Variants in ZNF277 observed in about 807,000 individuals in gnomAD.
ZNF277 encodes the protein nuclear receptor-interacting factor 4.
A neutral mutation model predicts 60.7 loss-of-function variants in ZNF277; 55 were observed. That is an observed-to-expected ratio of 0.91 (90% CI 0.73 to 1.13). The LOEUF (loss-of-function observed/expected upper bound fraction) is 1.13. Ranked by LOEUF, ZNF277 falls within the 50% of genes most tolerant of loss-of-function variation. ZNF277 has a pLI of 0.00. For missense variants in ZNF277, 510 were observed against 523.0 expected (o/e 0.98, Z 0.24); for synonymous variants, 178 against 179.3 (o/e 0.99, Z 0.06).
chr7:112,219,915 G>A (rs1821982833), intron 1 of ZNF277, among the ~76,000 whole-genome samples: 1 of 152,230 alleles, frequency 6.6e-6, no homozygotes. Flanking sequence ...GAGATTACAG[G>A]TGTAACCCAC....
At chr7:112,280,838 G>C (rs995247099) in intron 1 of ZNF277, among the ~76,000 whole-genome samples, 51 of 152,182 alleles carry the variant, frequency 3.4e-4, no homozygotes, top group African/African-American at 1.2e-3. Flanking sequence ...GTGTTGCCCA[G>C]GCTAGTCTTG....
At chr7:112,263,610 A>C (rs1791482291) in intron 1 of ZNF277, among the ~76,000 whole-genome samples, 2 of 152,070 alleles carry the variant, frequency 1.3e-5, no homozygotes, top group South Asian at 2.1e-4. Flanking sequence ...TGGCCTCTCA[A>C]ATTTGTCTCA....
chr7:112,214,982 T>C (rs569319864), intron 1 of ZNF277, among the ~76,000 whole-genome samples: 1 of 152,058 alleles, frequency 6.6e-6, no homozygotes, highest in Admixed American at 6.5e-5. Context: ...GATGTTGATA[T>C]TATTGGGAGG....
At chr7:112,277,655 G>A (rs567823907) in intron 1 of ZNF277, among the ~76,000 whole-genome samples, 9 of 152,166 alleles carry the variant, frequency 5.9e-5, no homozygotes, top group Non-Finnish European at 1.3e-4. Flanking sequence ...CTCAATCTCC[G>A]CATGTGCCTA....
At chr7:112,207,319 T>A (rs972379520) in intron 1 of ZNF277, among the ~76,000 whole-genome samples, 3 of 152,200 alleles carry the variant, frequency 2.0e-5, no homozygotes, top group Non-Finnish European at 4.4e-5. Context: ...AGTTTGTGGC[T>A]GAGGTGACCT....
intron 1 of ZNF277, among the ~76,000 whole-genome samples, chr7:112,224,431 A>T (rs1403391253): frequency 1.3e-5 from 2 of 152,270 alleles, no homozygotes; most frequent in Non-Finnish European, 2.9e-5. Flanking sequence ...ACAACACCTC[A>T]GTATAGAACT....
chr7:112,253,613 C>T (rs1011131797), intron 1 of ZNF277, among the ~76,000 whole-genome samples: 7 of 152,230 alleles, frequency 4.6e-5, no homozygotes, highest in Non-Finnish European at 8.8e-5. Context: ...GGGCAAATAG[C>T]TCATCCTTCC....
chr7:112,322,004 T>G (rs1366247525), intron 5 of ZNF277, among the ~76,000 whole-genome samples: 1 of 152,094 alleles, frequency 6.6e-6, no homozygotes, highest in Non-Finnish European at 1.5e-5. Flanking sequence ...CAATTGAGAT[T>G]TTCCAGTCTT....
At chr7:112,256,840 A>G (rs1450778155) in intron 1 of ZNF277, among the ~76,000 whole-genome samples, 2 of 151,530 alleles carry the variant, frequency 1.3e-5, no homozygotes, top group Non-Finnish European at 3.0e-5. Flanking sequence ...ATTGTTAGAA[A>G]TAGACCATAT....
chr7:112,224,337 T>C (rs1822117009), intron 1 of ZNF277, among the ~76,000 whole-genome samples: 1 of 152,238 alleles, frequency 6.6e-6, no homozygotes, highest in African/African-American at 2.4e-5. Flanking sequence ...TAAGAAAGTT[T>C]ACAAATTTGT....
chr7:112,268,437 A>G (rs1424738499), intron 1 of ZNF277, among the ~76,000 whole-genome samples: 1 of 151,958 alleles, frequency 6.6e-6, no homozygotes, highest in African/African-American at 2.4e-5. Context: ...CCTAATTAGT[A>G]TTATCTATAT....
chr7:112,248,435 G>A (rs1587115070), intron 1 of ZNF277, among the ~76,000 whole-genome samples: 1 of 151,328 alleles, frequency 6.6e-6, no homozygotes, highest in Non-Finnish European at 1.5e-5. Context: ...AAACAAAGGG[G>A]GAAAAACAGA....
chr7:112,245,484 T>C (rs933564407), intron 1 of ZNF277, among the ~76,000 whole-genome samples: 10 of 152,216 alleles, frequency 6.6e-5, no homozygotes, highest in Admixed American at 6.5e-4. Context: ...TGTCATAGCA[T>C]AGTGTCATAA....
At chr7:112,232,042 CATATATATATATATATATATATAT>C (rs67934905) in intron 1 of ZNF277, among the ~76,000 whole-genome samples, 33 of 133,226 alleles carry the variant, frequency 2.5e-4, no homozygotes, top group South Asian at 4.6e-4. Flanking sequence ...TAAATAAATA[CATATATATATATATATATATATAT>C]ATATATATAT....
intron 4 of ZNF277, among the ~76,000 whole-genome samples, chr7:112,313,558 C>T (rs781211475): frequency 2.6e-5 from 4 of 152,092 alleles, no homozygotes; most frequent in Non-Finnish European, 4.4e-5. Flanking sequence ...CCCCAAATCC[C>T]TAGTCCTATA....
rs1421227377 is a variant in ZNF277, at chr7:112,337,811, G to A, written c.951G>A (p.Leu317=). The part of the protein sequence containing the change: ...CEKQAETIEK[L]YVHMEDAHEF... ...AGCAAGCAGAAACAATTGAGAAGTT[G>A]TATGTCCACATGGAGGTAAGATACC... The change falls in exon 9 of 12, where the codon TTG becomes TTA. Residue 317 remains leucine, a synonymous_variant. Transcript: ENST00000361822. 6.2e-7 allele frequency: 1 copy of A among 1,611,326 alleles called. No individual in the cohort carries two copies. The highest frequency in any genetic ancestry group is 1.7e-5 in the Admixed American group (1 of 59,994).
intron 4 of ZNF277, among the ~76,000 whole-genome samples, chr7:112,313,773 G>A (rs1183972627): frequency 7.9e-5 from 12 of 152,096 alleles, no homozygotes; most frequent in Admixed American, 7.2e-4. Context: ...CTTTATAAAT[G>A]AAATATAAAC....
chr7:112,223,437 G>A (rs899169178), intron 1 of ZNF277, among the ~76,000 whole-genome samples: 1 of 152,188 alleles, frequency 6.6e-6, no homozygotes, highest in Non-Finnish European at 1.5e-5. Context: ...GTCTCCCTAG[G>A]CACTAGTATG....
chr7:112,232,042 C>CATATATATATATATATAT (rs67934905), intron 1 of ZNF277, among the ~76,000 whole-genome samples: 7 of 133,256 alleles, frequency 5.3e-5, no homozygotes, highest in African/African-American at 1.9e-4. Context: ...TAAATAAATA[C>CATATATATATATATATAT]ATATATATAT....
Sources: gnomAD v4.1 joint callset for allele counts (sites outside exome capture counted in the v4.1 genomes callset) on GRCh38, gnomAD v4.1.1 for gene constraint, MANE v1.5 for transcripts, NCBI Gene and HGNC (gene_info 2026-07-23, HGNC 2026-07-21) for gene names.